Variants in SRGAP3 observed in about 807,000 individuals in gnomAD.
The protein encoded by SRGAP3 is SLIT-ROBO Rho GTPase-activating protein 3.
SRGAP3 carries 39 observed loss-of-function variants against 121.1 expected under a neutral mutation model. That is an observed-to-expected ratio of 0.32 (90% confidence interval 0.25 to 0.42). The LOEUF (loss-of-function observed/expected upper bound fraction) is 0.42, where lower values mean the gene tolerates loss of function less well. SRGAP3 is among the 10% of genes least tolerant of loss of function. The pLI is 1.00. For missense variants in SRGAP3, 1,213 were observed against 1,470.6 expected, an observed-to-expected ratio of 0.82 and a Z score of 2.86; for synonymous variants, 601 against 570.0, an observed-to-expected ratio of 1.05 and a Z score of -0.77.
At chr3:9,211,628 G>A (rs1952448185) in intron 1 of SRGAP3, among the ~76,000 whole-genome samples, 1 of 151,688 alleles carries the variant, frequency 6.6e-6, no homozygotes, top group African/African-American at 2.4e-5. Flanking sequence ...GAGACAACAG[G>A]AAGACCTGAT....
At chr3:9,258,754 T>C (rs984490870) in intron 3 of SRGAP3, among the ~76,000 whole-genome samples, 1 of 152,174 alleles carries the variant, frequency 6.6e-6, no homozygotes, top group Non-Finnish European at 1.5e-5. Context: ...TGCCTCCCTC[T>C]AGGGTTAGCT....
intron 12 of SRGAP3, among the ~76,000 whole-genome samples, 166 bp from the exon 13 acceptor site, chr3:9,027,161 TAG>T (rs199842831): frequency 6.6e-6 from 1 of 152,188 alleles, no homozygotes; most frequent in African/African-American, 2.4e-5. Flanking sequence ...ACAGTTACAA[TAG>T]AGAGTCTTCA....
intron 3 of SRGAP3, among the ~76,000 whole-genome samples, chr3:9,324,754 G>T (rs181352912): frequency 6.6e-6 from 1 of 151,772 alleles, no homozygotes; most frequent in East Asian, 1.9e-4. Context: ...TCAGGAGATC[G>T]AGACCATCCT....
rs935278648 is a variant in SRGAP3, at chr3:9,286,689, G to A, written n.442+39321C>T. ...GCGATCTCGGCTCACTACAAGCTTC[G>A]CCTCCCGGGTTCCCGCCATTCTCCT... On this transcript the variant is annotated intron_variant and non_coding_transcript_variant, in intron 3 of 3. Transcript: ENST00000490889. 2.7e-5 allele frequency among the ~76,000 whole-genome samples: 4 copies of A among 150,780 alleles called. 1 individual carries two copies. The highest frequency in any genetic ancestry group is 4.8e-5 in the African/African-American group (2 of 41,316).
At chr3:9,166,667 C>T (rs1950797235) in intron 1 of SRGAP3, among the ~76,000 whole-genome samples, 1 of 152,208 alleles carries the variant, frequency 6.6e-6, no homozygotes, top group Non-Finnish European at 1.5e-5. Flanking sequence ...CTTATTCAAG[C>T]ATAGTACTTT....
intron 1 of SRGAP3, among the ~76,000 whole-genome samples, chr3:9,199,694 C>T (rs1048294403): frequency 2.0e-5 from 3 of 152,204 alleles, no homozygotes; most frequent in Non-Finnish European, 2.9e-5. Context: ...GGCTGTGTCT[C>T]TTCCTAGTTA....
intron 2 of SRGAP3, among the ~76,000 whole-genome samples, chr3:9,118,264 CCT>C (rs575583637): frequency 1.3e-5 from 2 of 151,944 alleles, no homozygotes; most frequent in South Asian, 2.1e-4. Context: ...TCCTCCTCTT[CCT>C]CTCTCTCTCT....
chr3:9,243,468 C>G (rs533137687), intron 1 of SRGAP3, among the ~76,000 whole-genome samples: 24 of 152,182 alleles, frequency 1.6e-4, no homozygotes, highest in African/African-American at 4.8e-4. Context: ...AACCCCGTCT[C>G]TACTGAAAAT....
intron 3 of SRGAP3, among the ~76,000 whole-genome samples, chr3:9,261,668 C>T (rs9830437): frequency 0.12 from 17,962 of 151,248 alleles, 1,338 homozygotes; most frequent in African/African-American, 0.19. Flanking sequence ...TGAAAAGGAA[C>T]GAATAAAGCC....
At chr3:9,257,729 C>G (rs11711612) in intron 3 of SRGAP3, among the ~76,000 whole-genome samples, 10,820 of 42,866 alleles carry the variant, frequency 0.25, 609 homozygotes, top group South Asian at 0.4. Flanking sequence ...TTTTTTGAGA[C>G]AGTCTCACTC....
At chr3:9,223,932 T>C (rs1490928148) in intron 1 of SRGAP3, among the ~76,000 whole-genome samples, 1 of 152,156 alleles carries the variant, frequency 6.6e-6, no homozygotes, top group Non-Finnish European at 1.5e-5. Flanking sequence ...GCACTTCTCC[T>C]CTCGAAGTTT....
At chr3:9,319,754 G>T (rs1429347143) in intron 3 of SRGAP3, among the ~76,000 whole-genome samples, 1 of 151,828 alleles carries the variant, frequency 6.6e-6, no homozygotes, top group African/African-American at 2.4e-5. Flanking sequence ...TCAAGAGCTA[G>T]ACCTTATACT....
intron 3 of SRGAP3, among the ~76,000 whole-genome samples, chr3:9,289,967 C>T (rs1159795611): frequency 6.6e-6 from 1 of 152,022 alleles, no homozygotes; most frequent in Admixed American, 6.6e-5. Context: ...AAAAATTAGC[C>T]GGGTGTCATG....
At chr3:9,032,788 A>C in intron 11 of SRGAP3, 36 bp from the exon 12 acceptor site, 1 of 1,567,702 alleles carries the variant, frequency 6.4e-7, no homozygotes. Flanking sequence ...TCAAGAAAGC[A>C]ACCAACATAA....
chr3:9,357,146 G>C (rs71314341), intron 1 of SRGAP3, among the ~76,000 whole-genome samples: 1 of 151,920 alleles, frequency 6.6e-6, no homozygotes, highest in Non-Finnish European at 1.5e-5. Flanking sequence ...GCCAGAGGCT[G>C]AGGTGGGAGA....
intron 1 of SRGAP3, among the ~76,000 whole-genome samples, chr3:9,161,522 T>A (rs995489664): frequency 6.6e-6 from 1 of 152,208 alleles, no homozygotes; most frequent in South Asian, 2.1e-4. Flanking sequence ...GAGGCAGAGA[T>A]AGGATATAAA....
chr3:9,280,230 C>T (rs968446524), intron 3 of SRGAP3, among the ~76,000 whole-genome samples: 12 of 152,166 alleles, frequency 7.9e-5, no homozygotes, highest in African/African-American at 1.7e-4. Context: ...CACTGTGGGC[C>T]GATTCAGAGC....
intron 3 of SRGAP3, among the ~76,000 whole-genome samples, chr3:9,260,544 G>T (rs184679736): frequency 1.3e-5 from 2 of 152,226 alleles, no homozygotes; most frequent in Non-Finnish European, 2.9e-5. Context: ...AAGTTCAAAC[G>T]ATGCGGAACC....
At chr3:9,093,905 T>G (rs1165671079) in intron 3 of SRGAP3, among the ~76,000 whole-genome samples, 1 of 152,234 alleles carries the variant, frequency 6.6e-6, no homozygotes, top group Non-Finnish European at 1.5e-5. Context: ...TGACTTTCCT[T>G]ATTTTTACCT....
Sources: allele counts gnomAD v4.1 joint callset (sites outside exome capture counted in the v4.1 genomes callset), GRCh38; gene constraint gnomAD v4.1.1; transcripts MANE v1.5; gene names NCBI Gene and HGNC (gene_info 2026-07-23, HGNC 2026-07-21).